SDR16C5: variants seen among roughly 807,000 people sequenced by gnomAD.
The protein encoded by SDR16C5 is epidermal retinol dehydrogenase 2.
Under a neutral mutation model 27.7 loss-of-function variants are expected in SDR16C5, and 20 were observed. The observed-to-expected ratio is 0.72, with a 90% CI of 0.51 to 1.05. The LOEUF is 1.05. Among genes scored for constraint, SDR16C5 ranks in the 50% least tolerant of loss-of-function variants. The probability of loss-of-function intolerance (pLI) is 0.00; values close to 1 mark genes in which losing one functional copy is unlikely to be tolerated. For missense variants in SDR16C5, 374 were observed against 366.3 expected, an observed-to-expected ratio of 1.02 and a Z score of -0.17; for synonymous variants, 139 against 132.3, an observed-to-expected ratio of 1.05 and a Z score of -0.35.
chr8:56,305,549 A>G, intron 6 of SDR16C5, 48 bp downstream of exon 6: 2 of 1,507,358 alleles, frequency 1.3e-6, no homozygotes, highest in South Asian at 2.7e-5. Context: ...ATTTGGAGTA[A>G]ACTGTAGACT....
chr8:56,302,062 C>A (rs987513861), intron 6 of SDR16C5, among the ~76,000 whole-genome samples: 7 of 152,174 alleles, frequency 4.6e-5, no homozygotes, highest in Non-Finnish European at 8.8e-5. Context: ...TGGGCAAGAC[C>A]CAACTAACAC....
At position 56,312,298 on chromosome 8, in the gene SDR16C5, A is replaced by G. The variant is rs770130074; in HGVS notation, c.334-10T>C. 8.1e-6 allele frequency: 13 copies of G among 1,612,288 alleles called. No homozygotes were observed. In the South Asian group the frequency reaches 1.2e-4, roughly 15 times the overall value. On this transcript the variant is annotated splice_polypyrimidine_tract_variant and intron_variant, in intron 2 of 6. Coordinates refer to ENST00000303749, the MANE Select transcript of SDR16C5 (RefSeq NM_138969.4). The stretch of plus-strand genomic sequence containing the variant: ...CGACTTCTTTTTTAACCTGAATTGA[A>G]TAAGAGCAACACCACCAATGTAGTA...
At chr8:56,304,502 A>G (rs779622670) in intron 6 of SDR16C5, among the ~76,000 whole-genome samples, 2 of 151,894 alleles carry the variant, frequency 1.3e-5, no homozygotes, top group African/African-American at 2.4e-5. Context: ...CTGAAACTCC[A>G]TGGAGAGCAG....
At chr8:56,308,373 G>A (rs1001416391) in intron 4 of SDR16C5, among the ~76,000 whole-genome samples, 8 of 152,202 alleles carry the variant, frequency 5.3e-5, no homozygotes, top group African/African-American at 1.9e-4. Flanking sequence ...CTCCTTGGTT[G>A]AGGGTCTTGA....
intron 1 of SDR16C5, among the ~76,000 whole-genome samples, chr8:56,319,738 G>A (rs951747138): frequency 6.6e-6 from 1 of 152,178 alleles, no homozygotes; most frequent in South Asian, 2.1e-4. Context: ...TGGGCAGAAC[G>A]GACCGAAGAA....
rs1357599038 is a variant in SDR16C5 at position 56,301,443 on chromosome 8, A to G, written c.*37T>C. 17 of 1,404,684 alleles carry G rather than the reference A, an allele frequency of 1.2e-5. No homozygotes were observed. Among genetic ancestry groups the G allele is most frequent in the Non-Finnish European group, 1.6e-5 (16 of 989,382 alleles). The allele number at this position is 1,404,684 out of a possible 1,614,324, so 87.0% of individuals were successfully genotyped here. A position where few individuals can be genotyped will look rare whatever the true frequency, so the allele number is the denominator to read the frequency against. On this transcript the variant is annotated 3_prime_UTR_variant, in exon 7 of 7. Coordinates refer to ENST00000303749, the MANE Select transcript of SDR16C5 (RefSeq NM_138969.4). The stretch of plus-strand genomic sequence containing the variant: ...TTCATTGAAGTACGCATTATGTAAC[A>G]CTGTGTATCAGATGACCTTAGCCAT...
intron 1 of SDR16C5, among the ~76,000 whole-genome samples, chr8:56,319,225 G>A (rs1289211635): frequency 6.6e-6 from 1 of 151,358 alleles, no homozygotes; most frequent in East Asian, 1.9e-4. Flanking sequence ...TTCAACACCT[G>A]CCAGCTTACA....
chr8:56,309,241 A>C, intron 3 of SDR16C5: 8 of 889,608 alleles, frequency 9.0e-6, no homozygotes, highest in Non-Finnish European at 1.1e-5. Flanking sequence ...AGTATTATTA[A>C]AATAATTTAT....
intron 2 of SDR16C5, among the ~76,000 whole-genome samples, chr8:56,312,591 G>A (rs1305349556): frequency 6.6e-6 from 1 of 152,032 alleles, no homozygotes; most frequent in South Asian, 2.1e-4. Context: ...TCTAGCCCCA[G>A]CTACTCGGGA....
chr8:56,310,773 C>T (rs539103277), intron 3 of SDR16C5, among the ~76,000 whole-genome samples: 11 of 151,350 alleles, frequency 7.3e-5, no homozygotes, highest in Admixed American at 5.9e-4. Flanking sequence ...TTCCAGGGAC[C>T]ATGGTCTTTA....
At chr8:56,301,845 C>T (rs1264283418) in intron 6 of SDR16C5, among the ~76,000 whole-genome samples, 1 of 152,188 alleles carries the variant, frequency 6.6e-6, no homozygotes, top group African/African-American at 2.4e-5. Flanking sequence ...TGTACAATGA[C>T]ACAGAGGAAG....
intron 2 of SDR16C5, 135 bp from the exon 3 acceptor site, chr8:56,312,423 G>A (rs1481992298): frequency 6.4e-6 from 5 of 782,496 alleles, no homozygotes; most frequent in Non-Finnish European, 6.2e-6. Flanking sequence ...TACAGCTTGG[G>A]GCCAGGCGCA....
chr8:56,308,357 T>C (rs1157320186), intron 4 of SDR16C5, among the ~76,000 whole-genome samples: 1 of 152,178 alleles, frequency 6.6e-6, no homozygotes, highest in Non-Finnish European at 1.5e-5. Context: ...AGCTCCCAAG[T>C]TGGGCCTCCT....
Position 56,300,500 on chromosome 8 carries a change from G to C in SDR16C5, c.*980C>G, listed in dbSNP as rs888713742. The C allele has an allele frequency of 1.3e-5, 2 of 152,100 alleles. No homozygotes were observed. The highest frequency in any genetic ancestry group is 4.8e-5 in the African/African-American group (2 of 41,404). The allele number at this position is 152,100 out of a possible 1,614,324, so 9.4% of individuals were successfully genotyped here. A position where few individuals can be genotyped will look rare whatever the true frequency, so the allele number is the denominator to read the frequency against. ...TAATTAACATATTTTTCTTAATCTT[G>C]CTTTTATAGTTAATCTCCAAAGCAT... On this transcript the variant is annotated 3_prime_UTR_variant, in exon 7 of 7. Coordinates refer to ENST00000303749, the MANE Select transcript of SDR16C5 (RefSeq NM_138969.4).
intron 4 of SDR16C5, among the ~76,000 whole-genome samples, chr8:56,307,966 T>A (rs1474829123): frequency 6.6e-5 from 10 of 152,116 alleles, no homozygotes; most frequent in Non-Finnish European, 1.2e-4. Context: ...CCTGAATGAT[T>A]TCAAAGGCCC....
At chr8:56,309,579 G>A (rs892117368) in intron 3 of SDR16C5, 4 of 984,446 alleles carry the variant, frequency 4.1e-6, no homozygotes, top group African/African-American at 1.7e-5. Context: ...ACCCTTGATT[G>A]GGGGCCTGGA....
intron 2 of SDR16C5, among the ~76,000 whole-genome samples, chr8:56,314,516 T>A (rs1344949348): frequency 6.6e-6 from 1 of 152,230 alleles, no homozygotes; most frequent in Non-Finnish European, 1.5e-5. Context: ...ATCAACCGGT[T>A]ATTGCTTAAG....
chr8:56,318,622 T>C (rs1815259065), intron 1 of SDR16C5, among the ~76,000 whole-genome samples: 1 of 152,206 alleles, frequency 6.6e-6, no homozygotes, highest in Non-Finnish European at 1.5e-5. Flanking sequence ...ACTTCTCCCA[T>C]CACAGGGCTC....
chr8:56,309,177 A>C, intron 3 of SDR16C5, 150 bp from the exon 4 acceptor site: 1 of 929,400 alleles, frequency 1.1e-6, no homozygotes, highest in South Asian at 3.8e-5. Context: ...AACATCTGGA[A>C]AGTAATCATT....
Sources: allele counts gnomAD v4.1 joint callset (sites outside exome capture counted in the v4.1 genomes callset), GRCh38; gene constraint gnomAD v4.1.1; transcripts MANE v1.5; gene names NCBI Gene and HGNC (gene_info 2026-07-23, HGNC 2026-07-21).